The following CADM2 variants were observed in gnomAD, a reference collection of about 807,000 sequenced individuals.
CADM2 encodes the protein immunoglobulin superfamily member 4D.
A neutral mutation model predicts 49.8 loss-of-function variants in CADM2; 12 were observed. That is an observed-to-expected ratio of 0.24 (90% CI 0.15 to 0.39). The LOEUF (loss-of-function observed/expected upper bound fraction) is 0.39, where lower values mean the gene tolerates loss of function less well. Among genes scored for constraint, CADM2 ranks in the 10% least tolerant of loss-of-function variants. The pLI, the probability that CADM2 is intolerant of heterozygous loss-of-function variation, is 1.00. For synonymous variants in CADM2, 214 were observed against 175.4 expected (o/e 1.22, Z -1.74); for missense variants, 378 against 492.3 (o/e 0.77, Z 2.20).
At chr3:85,868,333 ATATT>A (rs1559711130) in intron 3 of CADM2, among the ~76,000 whole-genome samples, 1 of 152,066 alleles carries the variant, frequency 6.6e-6, no homozygotes, top group Non-Finnish European at 1.5e-5. Context: ...ATAATGTTGG[ATATT>A]TATTTATACT....
chr3:85,582,695 G>C (rs6772956), intron 1 of CADM2, among the ~76,000 whole-genome samples: 78,044 of 151,982 alleles, frequency 0.51, 23,061 homozygotes, highest in East Asian at 0.85. Flanking sequence ...AAGGCCCCAT[G>C]TCCAAATACC....
intron 8 of CADM2, among the ~76,000 whole-genome samples, chr3:85,982,054 G>A (rs1359261099): frequency 1.3e-5 from 2 of 151,642 alleles, no homozygotes; most frequent in African/African-American, 4.8e-5. Flanking sequence ...ATTCTCACTG[G>A]TGTAAGAAGG....
At chr3:85,923,941 G>T (rs1190502667) in intron 6 of CADM2, among the ~76,000 whole-genome samples, 1 of 152,076 alleles carries the variant, frequency 6.6e-6, no homozygotes, top group African/African-American at 2.4e-5. Context: ...TAAATCATTT[G>T]TATATATATC....
At chr3:85,489,353 T>C (rs2039563568) in intron 1 of CADM2, among the ~76,000 whole-genome samples, 1 of 152,204 alleles carries the variant, frequency 6.6e-6, no homozygotes, top group Non-Finnish European at 1.5e-5. Context: ...TATATTACAC[T>C]GTATCTCTTT....
At chr3:85,216,530 A>C (rs1056917916) in intron 1 of CADM2, among the ~76,000 whole-genome samples, 3 of 151,912 alleles carry the variant, frequency 2.0e-5, no homozygotes, top group Non-Finnish European at 4.4e-5. Flanking sequence ...TACAGAAGAC[A>C]TGCCCAGAAA....
intron 1 of CADM2, among the ~76,000 whole-genome samples, chr3:85,700,308 G>A (rs1346952162): frequency 1.3e-5 from 2 of 152,064 alleles, no homozygotes; most frequent in African/African-American, 4.8e-5. Context: ...ACACAGGGAG[G>A]GGAATATTAC....
chr3:85,309,781 G>A (rs2044301478), intron 1 of CADM2, among the ~76,000 whole-genome samples: 1 of 152,120 alleles, frequency 6.6e-6, no homozygotes, highest in Non-Finnish European at 1.5e-5. Flanking sequence ...CCTGTATCAA[G>A]TCAGATCATC....
intron 1 of CADM2, among the ~76,000 whole-genome samples, chr3:85,302,263 T>C (rs1048376281): frequency 2.0e-5 from 3 of 152,070 alleles, no homozygotes; most frequent in African/African-American, 7.2e-5. Flanking sequence ...ATTGCTTCAT[T>C]TGATTTTTTA....
At chr3:86,045,507 A>G (rs1016142790) in intron 8 of CADM2, among the ~76,000 whole-genome samples, 27 of 152,264 alleles carry the variant, frequency 1.8e-4, no homozygotes, top group Admixed American at 3.9e-4. Context: ...CTGCCCTGAA[A>G]TATGTTACCA....
chr3:85,739,575 TGA>T (rs2068291996), intron 2 of CADM2, among the ~76,000 whole-genome samples: 1 of 152,034 alleles, frequency 6.6e-6, no homozygotes, highest in Non-Finnish European at 1.5e-5. Flanking sequence ...ATGAATAGGA[TGA>T]CAATACAATG....
At chr3:85,643,229 C>T (rs1400063172) in intron 1 of CADM2, among the ~76,000 whole-genome samples, 1 of 152,104 alleles carries the variant, frequency 6.6e-6, no homozygotes. Flanking sequence ...GGCTGCTTTA[C>T]AAAATTGTAT....
chr3:85,026,580 T>TA (rs2034738124), intron 1 of CADM2, among the ~76,000 whole-genome samples: 1 of 152,166 alleles, frequency 6.6e-6, no homozygotes, highest in Non-Finnish European at 1.5e-5. Context: ...ATGCTACCAA[T>TA]ACACATGATT....
intron 1 of CADM2, among the ~76,000 whole-genome samples, chr3:85,574,216 G>T (rs190358949): frequency 6.6e-6 from 1 of 152,166 alleles, no homozygotes; most frequent in Non-Finnish European, 1.5e-5. Context: ...CTGGAATTTG[G>T]ATCTTGAAGC....
At chr3:85,790,450 A>T (rs1317828376) in intron 2 of CADM2, among the ~76,000 whole-genome samples, 1 of 152,142 alleles carries the variant, frequency 6.6e-6, no homozygotes, top group East Asian at 1.9e-4. Flanking sequence ...AGCCTAGAAA[A>T]CTATTATCAC....
chr3:85,544,439 CT>C (rs1392599660), intron 1 of CADM2, among the ~76,000 whole-genome samples: 8 of 152,026 alleles, frequency 5.3e-5, no homozygotes, highest in African/African-American at 1.9e-4. Flanking sequence ...TAGCCCGGCG[CT>C]GTGGCGGACG....
At chr3:85,476,705 A>G (rs1176068941) in intron 1 of CADM2, among the ~76,000 whole-genome samples, 3 of 151,866 alleles carry the variant, frequency 2.0e-5, no homozygotes, top group East Asian at 3.9e-4. Flanking sequence ...GTAAACTATT[A>G]TTTTTAACGC....
intron 1 of CADM2, among the ~76,000 whole-genome samples, chr3:85,637,009 C>A (rs1490646599): frequency 1.3e-5 from 2 of 152,036 alleles, no homozygotes; most frequent in South Asian, 2.1e-4. Context: ...CTATTATATC[C>A]CATTATAATC....
intron 1 of CADM2, among the ~76,000 whole-genome samples, chr3:85,428,369 AAT>A (rs893005757): frequency 1.4e-5 from 2 of 145,942 alleles, no homozygotes; most frequent in African/African-American, 2.5e-5. Context: ...TATTATATAT[AAT>A]ATATATTATA....
intron 1 of CADM2, among the ~76,000 whole-genome samples, chr3:85,695,955 G>A (rs907327621): frequency 6.6e-6 from 1 of 152,034 alleles, no homozygotes; most frequent in Non-Finnish European, 1.5e-5. Context: ...TCTGACTAGA[G>A]TAAGATATTA....
Sources: allele counts gnomAD v4.1 joint callset (sites outside exome capture counted in the v4.1 genomes callset), GRCh38; gene constraint gnomAD v4.1.1; transcripts MANE v1.5; gene names NCBI Gene and HGNC (gene_info 2026-07-23, HGNC 2026-07-21).